EDIL3: variants seen among roughly 807,000 people sequenced by gnomAD.
EDIL3 encodes the protein EGF like and discoidin domains 3.
In EDIL3, 37 loss-of-function variants were observed where a neutral mutation model predicts 67.4. The ratio of observed to expected loss-of-function variants is 0.55; its 90% CI spans 0.42 to 0.72. The LOEUF (loss-of-function observed/expected upper bound fraction) is 0.72. Ranked by LOEUF, EDIL3 falls within the 30% of genes least tolerant of loss-of-function variation. EDIL3 has a pLI of 0.00. For missense variants in EDIL3, 527 were observed against 586.3 expected (o/e 0.90, Z 1.04); for synonymous variants, 195 against 196.3 (o/e 0.99, Z 0.05).
chr5:84,160,155 G>GACAACTCC (rs1354746586), intron 4 of EDIL3, among the ~76,000 whole-genome samples: 1 of 152,098 alleles, frequency 6.6e-6, no homozygotes, highest in Non-Finnish European at 1.5e-5. Context: ...TTTTTTGACA[G>GACAACTCC]ACAACTCCAG....
At chr5:84,274,524 TTA>T (rs1745536013) in intron 1 of EDIL3, among the ~76,000 whole-genome samples, 1 of 152,218 alleles carries the variant, frequency 6.6e-6, no homozygotes, top group Non-Finnish European at 1.5e-5. Flanking sequence ...AAAAAATGCT[TTA>T]TGTATTTCTT....
At chr5:84,247,888 T>C (rs1321128809) in intron 2 of EDIL3, among the ~76,000 whole-genome samples, 1 of 152,142 alleles carries the variant, frequency 6.6e-6, no homozygotes, top group Non-Finnish European at 1.5e-5. Flanking sequence ...TATCCTGTAC[T>C]GACCTACTGT....
chr5:83,971,531 A>G (rs541466005), intron 9 of EDIL3, among the ~76,000 whole-genome samples: 2 of 151,988 alleles, frequency 1.3e-5, no homozygotes, highest in African/African-American at 4.8e-5. Context: ...GCCTCCAAAA[A>G]TATTTTTATA....
intron 1 of EDIL3, among the ~76,000 whole-genome samples, chr5:84,280,691 G>T (rs538232415): frequency 6.6e-6 from 1 of 151,984 alleles, no homozygotes; most frequent in East Asian, 1.9e-4. Context: ...GGTGGTTCAC[G>T]CTTGAAATCT....
At chr5:84,115,207 G>A (rs1271781830) in intron 5 of EDIL3, among the ~76,000 whole-genome samples, 4 of 152,078 alleles carry the variant, frequency 2.6e-5, no homozygotes, top group East Asian at 3.8e-4. Flanking sequence ...ATAAGAATCA[G>A]CTCTTGGAGG....
intron 3 of EDIL3, among the ~76,000 whole-genome samples, chr5:84,189,135 T>C (rs1182395177): frequency 6.6e-6 from 1 of 152,002 alleles, no homozygotes; most frequent in African/African-American, 2.4e-5. Context: ...CTAAAATTAA[T>C]TTTACTTGGT....
intron 1 of EDIL3, among the ~76,000 whole-genome samples, chr5:84,314,588 C>T (rs1052345425): frequency 6.6e-6 from 1 of 152,160 alleles, no homozygotes; most frequent in Non-Finnish European, 1.5e-5. Context: ...GGCCAATTTA[C>T]CTTTGCGGGA....
At chr5:83,963,452 T>A (rs1744639916) in intron 9 of EDIL3, 92 bp from the exon 10 acceptor site, 12 of 1,327,932 alleles carry the variant, frequency 9.0e-6, no homozygotes, top group Admixed American at 2.9e-5. Flanking sequence ...ACTATATATA[T>A]CCTAAAATCA....
At chr5:84,360,744 T>C (rs961508619) in intron 1 of EDIL3, among the ~76,000 whole-genome samples, 13 of 152,196 alleles carry the variant, frequency 8.5e-5, no homozygotes, top group Non-Finnish European at 1.6e-4. Flanking sequence ...TAGGAAATTC[T>C]GATTTCATTT....
At chr5:83,963,075 AT>A in intron 10 of EDIL3, 129 bp downstream of exon 10, 3 of 1,212,190 alleles carry the variant, frequency 2.5e-6, no homozygotes, top group Non-Finnish European at 3.3e-6. Context: ...AAAGCTTTTT[AT>A]TTAACATATA....
chr5:84,247,892 C>T (rs1445376466), intron 2 of EDIL3, among the ~76,000 whole-genome samples: 1 of 151,878 alleles, frequency 6.6e-6, no homozygotes, highest in Non-Finnish European at 1.5e-5. Context: ...CTGTACTGAC[C>T]TACTGTCAAT....
intron 2 of EDIL3, among the ~76,000 whole-genome samples, chr5:84,248,330 T>C (rs181573831): frequency 1.3e-3 from 201 of 152,328 alleles, no homozygotes; most frequent in African/African-American, 4.6e-3. Flanking sequence ...CCTTGAGACA[T>C]TGTTAATCCT....
chr5:84,333,463 C>T (rs931335589), intron 1 of EDIL3, among the ~76,000 whole-genome samples: 1 of 151,948 alleles, frequency 6.6e-6, no homozygotes, highest in African/African-American at 2.4e-5. Context: ...GAACAAACAA[C>T]AAATTAACAA....
intron 6 of EDIL3, among the ~76,000 whole-genome samples, chr5:84,073,099 A>C (rs914156881): frequency 1.3e-5 from 2 of 152,210 alleles, no homozygotes; most frequent in Non-Finnish European, 2.9e-5. Flanking sequence ...CAAAAACCAC[A>C]TGATTATCTC....
intron 3 of EDIL3, among the ~76,000 whole-genome samples, chr5:84,190,075 C>T (rs1482778866): frequency 6.6e-6 from 1 of 151,754 alleles, no homozygotes; most frequent in African/African-American, 2.4e-5. Flanking sequence ...ACATGAACAC[C>T]CCTATAATCT....
chr5:84,039,263 C>T (rs1746077916), intron 9 of EDIL3, among the ~76,000 whole-genome samples: 1 of 151,928 alleles, frequency 6.6e-6, no homozygotes, highest in Admixed American at 6.6e-5. Flanking sequence ...AACCCATTCC[C>T]CAAATAGAAA....
chr5:84,057,153 A>C (rs1185956856), intron 9 of EDIL3, among the ~76,000 whole-genome samples: 1 of 152,126 alleles, frequency 6.6e-6, no homozygotes, highest in Non-Finnish European at 1.5e-5. Flanking sequence ...TAGAAGAACT[A>C]CTCCTTGAAT....
At chr5:84,023,645 T>TG (rs1020481732) in intron 9 of EDIL3, among the ~76,000 whole-genome samples, 6 of 151,972 alleles carry the variant, frequency 3.9e-5, no homozygotes, top group African/African-American at 1.4e-4. Flanking sequence ...TTAGTGTAAA[T>TG]GAAAAAAATG....
intron 1 of EDIL3, among the ~76,000 whole-genome samples, chr5:84,374,487 C>G (rs1747923401): frequency 6.6e-6 from 1 of 152,160 alleles, no homozygotes; most frequent in South Asian, 2.1e-4. Flanking sequence ...TTTAACCACT[C>G]TTTTATTATT....
Sources: gnomAD v4.1 joint callset for allele counts (sites outside exome capture counted in the v4.1 genomes callset) on GRCh38, gnomAD v4.1.1 for gene constraint, MANE v1.5 for transcripts, NCBI Gene and HGNC (gene_info 2026-07-23, HGNC 2026-07-21) for gene names.